Variants in DENND1A observed in about 807,000 individuals in gnomAD.
DENND1A encodes DENN domain containing 1A.
A neutral mutation model predicts 113.7 loss-of-function variants in DENND1A; 51 were observed. The observed-to-expected ratio is 0.45, with a 90% CI of 0.36 to 0.57. The LOEUF is 0.57. DENND1A is among the 20% of genes least tolerant of loss of function. The pLI is 0.00. For synonymous variants in DENND1A, 565 were observed against 570.8 expected (o/e 0.99, Z 0.14); for missense variants, 1,258 against 1,395.9 (o/e 0.90, Z 1.57).
At chr9:123,855,924 C>A (rs1447040802) in intron 2 of DENND1A, among the ~76,000 whole-genome samples, 2 of 152,108 alleles carry the variant, frequency 1.3e-5, no homozygotes, top group African/African-American at 4.8e-5. Flanking sequence ...GTAATCCCAG[C>A]TACTCGGGAG....
chr9:123,701,526 A>G (rs2065883630), intron 5 of DENND1A, among the ~76,000 whole-genome samples: 2 of 152,162 alleles, frequency 1.3e-5, no homozygotes, highest in Admixed American at 6.5e-5. Context: ...CTCTAACTCC[A>G]GGCCGACACC....
intron 2 of DENND1A, among the ~76,000 whole-genome samples, chr9:123,793,059 CT>C (rs1378161538): frequency 6.6e-6 from 1 of 152,120 alleles, no homozygotes; most frequent in Admixed American, 6.5e-5. Flanking sequence ...TGAGAGAATT[CT>C]TTCAAGGAAT....
chr9:123,588,811 A>G (rs2136982399), intron 11 of DENND1A, among the ~76,000 whole-genome samples: 1 of 148,180 alleles, frequency 6.7e-6, no homozygotes, highest in Middle Eastern at 3.5e-3. Context: ...CTCTGTTGCC[A>G]GGCTGGAGTG....
chr9:123,464,214 T>C (rs141319366), intron 13 of DENND1A, among the ~76,000 whole-genome samples: 1 of 152,274 alleles, frequency 6.6e-6, no homozygotes, highest in East Asian at 1.9e-4. Flanking sequence ...ATAGAGTTGG[T>C]ACAAACAGTA....
intron 11 of DENND1A, among the ~76,000 whole-genome samples, chr9:123,603,926 C>T (rs1019333033): frequency 6.6e-6 from 1 of 152,182 alleles, no homozygotes; most frequent in Admixed American, 6.5e-5. Context: ...TAAAGAATTA[C>T]CTTGATCTTT....
At chr9:123,554,221 A>T (rs75548823) in intron 13 of DENND1A, among the ~76,000 whole-genome samples, 3 of 152,090 alleles carry the variant, frequency 2.0e-5, no homozygotes, top group African/African-American at 7.2e-5. Context: ...ATTTTAAACT[A>T]ATCCGCTCAA....
chr9:123,461,719 C>A (rs529084278), intron 13 of DENND1A, among the ~76,000 whole-genome samples: 41 of 152,332 alleles, frequency 2.7e-4, no homozygotes, highest in African/African-American at 7.2e-4. Flanking sequence ...CATTTTGGGC[C>A]TGTTGTGTGC....
chr9:123,425,073 C>A (rs1188638328), intron 19 of DENND1A, among the ~76,000 whole-genome samples: 1 of 152,228 alleles, frequency 6.6e-6, no homozygotes, highest in Non-Finnish European at 1.5e-5. Flanking sequence ...GGACTCCCTG[C>A]ACAGCCACAG....
intron 1 of DENND1A, among the ~76,000 whole-genome samples, chr9:123,925,358 T>G (rs1188074323): frequency 1.3e-5 from 2 of 152,174 alleles, no homozygotes; most frequent in Admixed American, 6.5e-5. Flanking sequence ...GAAGGCTTCC[T>G]TTCCTGACCC....
At chr9:123,556,923 G>A (rs924375390) in intron 13 of DENND1A, among the ~76,000 whole-genome samples, 4 of 152,202 alleles carry the variant, frequency 2.6e-5, no homozygotes, top group African/African-American at 7.2e-5. Context: ...TTGCAATCAC[G>A]AGTCACTTCC....
At chr9:123,578,192 C>A (rs1286417472) in intron 12 of DENND1A, among the ~76,000 whole-genome samples, 1 of 152,216 alleles carries the variant, frequency 6.6e-6, no homozygotes, top group Non-Finnish European at 1.5e-5. Flanking sequence ...AATCTTTCAG[C>A]TCCCCAAGAC....
At chr9:123,551,941 T>G (rs2057074006) in intron 13 of DENND1A, among the ~76,000 whole-genome samples, 1 of 148,404 alleles carries the variant, frequency 6.7e-6, no homozygotes, top group South Asian at 2.1e-4. Flanking sequence ...AGCTCAGGAG[T>G]CCCCCAGCCA....
At chr9:123,623,306 A>C (rs1292240512) in intron 10 of DENND1A, among the ~76,000 whole-genome samples, 1 of 152,230 alleles carries the variant, frequency 6.6e-6, no homozygotes, top group Non-Finnish European at 1.5e-5. Flanking sequence ...ATGGTGAAAA[A>C]AGCAATCATC....
intron 5 of DENND1A, among the ~76,000 whole-genome samples, chr9:123,757,071 C>T (rs867138287): frequency 1.3e-5 from 2 of 152,176 alleles, no homozygotes; most frequent in Admixed American, 6.5e-5. Context: ...GCTCCAAAAT[C>T]GGATTTCCAC....
At chr9:123,789,615 G>A (rs562166053) in intron 3 of DENND1A, among the ~76,000 whole-genome samples, 2 of 152,160 alleles carry the variant, frequency 1.3e-5, no homozygotes, top group South Asian at 4.1e-4. Context: ...GCAGACAACT[G>A]GCCCAACAGT....
chr9:123,417,682 T>C (rs957207316), intron 19 of DENND1A, among the ~76,000 whole-genome samples: 1 of 152,236 alleles, frequency 6.6e-6, no homozygotes, highest in African/African-American at 2.4e-5. Flanking sequence ...AAAAGGCTGA[T>C]GAGAGAGTAA....
chr9:123,681,604 G>A (rs182392054), intron 5 of DENND1A, among the ~76,000 whole-genome samples: 5 of 152,212 alleles, frequency 3.3e-5, no homozygotes, highest in African/African-American at 4.8e-5. Flanking sequence ...ATCCAGTTAG[G>A]GAAAGAATGA....
Position 123,533,442 on chromosome 9 carries a change from G to A in DENND1A, c.993+24128C>T, listed in dbSNP as rs912538129. On this transcript the variant is annotated intron_variant, in intron 13 of 23. Coordinates refer to ENST00000394215, the MANE Select transcript of DENND1A (RefSeq NM_001352964.2). ...TTTGGGCATTCTGAGTTTTAGAACA[G>A]GAGAGGAAGAAATGGTACTGCACTC... Among the ~76,000 whole-genome samples the A allele has an allele frequency of 2.6e-5, 4 of 152,298 alleles. No homozygotes were observed. In the East Asian group the frequency reaches 7.7e-4, roughly 29 times the overall value.
At chr9:123,430,419 A>G (rs996748298) in intron 19 of DENND1A, among the ~76,000 whole-genome samples, 1 of 152,232 alleles carries the variant, frequency 6.6e-6, no homozygotes. Context: ...TAGCAAAGAC[A>G]TGGAGTCAAC....
Sources: allele counts gnomAD v4.1 joint callset (sites outside exome capture counted in the v4.1 genomes callset), GRCh38; gene constraint gnomAD v4.1.1; transcripts MANE v1.5; gene names NCBI Gene and HGNC (gene_info 2026-07-23, HGNC 2026-07-21).